The following COL23A1 variants were observed in gnomAD, a reference collection of about 807,000 sequenced individuals.
The protein encoded by COL23A1 is collagen type XXIII alpha 1 chain, also known as collagen alpha-1(XXIII) chain.
A neutral mutation model predicts 99.3 loss-of-function variants in COL23A1; 97 were observed. The observed-to-expected ratio is 0.98, with a 90% CI of 0.83 to 1.16. COL23A1 has a LOEUF of 1.16. Ranked by LOEUF, COL23A1 falls within the 50% of genes most tolerant of loss-of-function variation. The pLI is 0.00. For synonymous variants in COL23A1, 320 were observed against 308.2 expected (o/e 1.04, Z -0.40); for missense variants, 762 against 757.4 (o/e 1.01, Z -0.07).
intron 2 of COL23A1, among the ~76,000 whole-genome samples, chr5:178,466,317 T>C (rs940838084): frequency 1.3e-4 from 20 of 152,140 alleles, no homozygotes; most frequent in Admixed American, 1.3e-4. Flanking sequence ...GTAGTAGCAA[T>C]GGTAGTTGTC....
At chr5:178,354,520 A>C (rs1761513139) in intron 2 of COL23A1, among the ~76,000 whole-genome samples, 1 of 152,054 alleles carries the variant, frequency 6.6e-6, no homozygotes. Context: ...GGGTGGTTTT[A>C]ATGGTTTAAC....
At chr5:178,547,926 T>C (rs1233836339) in intron 2 of COL23A1, among the ~76,000 whole-genome samples, 1 of 3,680 alleles carries the variant, frequency 2.7e-4, no homozygotes, top group Non-Finnish European at 5.6e-4. Context: ...CACGCACACT[T>C]ACACCCACAC....
chr5:178,422,961 T>G (rs1263830682), intron 2 of COL23A1, among the ~76,000 whole-genome samples: 1 of 151,982 alleles, frequency 6.6e-6, no homozygotes, highest in East Asian at 1.9e-4. Flanking sequence ...ATTTTGAAGT[T>G]TATTTATTTA....
intron 1 of COL23A1, among the ~76,000 whole-genome samples, chr5:178,584,579 A>G (rs1404242400): frequency 6.6e-6 from 1 of 152,154 alleles, no homozygotes; most frequent in Non-Finnish European, 1.5e-5. Flanking sequence ...ATCCAAAGGC[A>G]TCTAGAAAGG....
chr5:178,490,580 T>A (rs1468327532), intron 2 of COL23A1, among the ~76,000 whole-genome samples: 3 of 151,674 alleles, frequency 2.0e-5, no homozygotes, highest in Non-Finnish European at 4.4e-5. Context: ...CACATAAAAG[T>A]GGTTTAAACT....
At chr5:178,278,327 G>T (rs1375936406) in intron 5 of COL23A1, among the ~76,000 whole-genome samples, 1 of 152,076 alleles carries the variant, frequency 6.6e-6, no homozygotes, top group East Asian at 1.9e-4. Context: ...CTGTGGGGTG[G>T]GCCCTCCTTG....
rs1251379971 is a variant in COL23A1, at chr5:178,482,901, CA to C, written c.361+77780del. On this transcript the variant is annotated intron_variant, in intron 2 of 28. Coordinates refer to ENST00000390654, the MANE Select transcript of COL23A1 (RefSeq NM_173465.4). ...TGGGCAACAGAGAGAGACTCCATCT[CA>C]AAAAAAAAAGAAAAAAGAAAAGACT... 8.3e-5 allele frequency among the ~76,000 whole-genome samples: 12 copies of C among 143,908 alleles called. No individual in the cohort carries two copies. In the South Asian group the frequency reaches 8.8e-4, roughly 11 times the overall value. The allele number at this position is 143,908 out of a possible 152,430, so 94.4% of individuals were successfully genotyped here.
chr5:178,572,930 C>T lies in COL23A1; in HGVS notation c.295-12182G>A, dbSNP rs141065329. Among the ~76,000 whole-genome samples the T allele has an allele frequency of 7.3e-3, 1,113 of 152,322 alleles. 1 individual carries two copies. The highest frequency in any genetic ancestry group is 0.012 in the Non-Finnish European group (807 of 68,032). On this transcript the variant is annotated intron_variant, in intron 1 of 28. Coordinates refer to ENST00000390654, the MANE Select transcript of COL23A1 (RefSeq NM_173465.4). ...ATACTAAAGTATCTCTCAATAACTA[C>T]ACTGAGTGAAAGAAACCAGACGAAC... is the stretch of plus-strand genomic sequence containing the variant.
chr5:178,245,043 C>CATCT (rs1326083730), intron 25 of COL23A1, among the ~76,000 whole-genome samples: 1 of 146,734 alleles, frequency 6.8e-6, no homozygotes, highest in African/African-American at 2.6e-5. Flanking sequence ...ATCCACTCAT[C>CATCT]ATCTATCATC....
chr5:178,493,113 T>A (rs779062850), intron 2 of COL23A1, among the ~76,000 whole-genome samples: 1 of 152,190 alleles, frequency 6.6e-6, no homozygotes, highest in Non-Finnish European at 1.5e-5. Context: ...TTCTCCAGCA[T>A]CAGGCACTGA....
chr5:178,389,475 A>G (rs938168870), intron 2 of COL23A1, among the ~76,000 whole-genome samples: 4 of 152,234 alleles, frequency 2.6e-5, no homozygotes, highest in African/African-American at 9.6e-5. Flanking sequence ...ATGGCGAGAC[A>G]TTCACACAGG....
intron 2 of COL23A1, among the ~76,000 whole-genome samples, chr5:178,398,981 G>A (rs1054501890): frequency 3.3e-5 from 5 of 152,234 alleles, no homozygotes; most frequent in Non-Finnish European, 5.9e-5. Context: ...GCGTCACTCC[G>A]GGATGACTGC....
intron 2 of COL23A1, among the ~76,000 whole-genome samples, chr5:178,518,474 C>G (rs1389049080): frequency 2.1e-5 from 3 of 145,810 alleles, no homozygotes; most frequent in South Asian, 2.2e-4. Context: ...TAGGGGCGGC[C>G]GGGCAGAGGC....
chr5:178,265,793 T>C (rs527730785), intron 8 of COL23A1: 16 of 822,156 alleles, frequency 1.9e-5, no homozygotes, highest in Non-Finnish European at 2.4e-5. Context: ...CAAGGCTTTT[T>C]GAAACCTGGA....
rs200458456 is a variant in COL23A1 at position 178,409,019 on chromosome 5, CACAT to C, written c.362-102104_362-102101del. On this transcript the variant is annotated intron_variant, in intron 2 of 28. Transcript: ENST00000390654. ...ACACACACACACACACACACACACA[CACAT>C]CATGTGGCTGAACAATTGCACTCCT... is the stretch of plus-strand genomic sequence containing the variant. 4.0e-3 allele frequency among the ~76,000 whole-genome samples: 491 copies of C among 122,812 alleles called. 4 individuals carry two copies. The highest frequency in any genetic ancestry group is 7.2e-3 in the South Asian group (28 of 3,904). The allele number at this position is 122,812 out of a possible 152,430, so 80.6% of individuals were successfully genotyped here.
intron 2 of COL23A1, among the ~76,000 whole-genome samples, chr5:178,404,559 TTA>T (rs1491281092): frequency 1.9e-4 from 29 of 152,296 alleles, no homozygotes; most frequent in African/African-American, 6.5e-4. Flanking sequence ...AGCTGATTCC[TTA>T]TGGTGAACCT....
intron 2 of COL23A1, among the ~76,000 whole-genome samples, chr5:178,380,947 C>T (rs1268676449): frequency 1.3e-5 from 2 of 152,196 alleles, no homozygotes; most frequent in African/African-American, 2.4e-5. Flanking sequence ...ATGTGTGGGC[C>T]CACCCAGCCG....
At chr5:178,367,947 C>T (rs1762579684) in intron 2 of COL23A1, among the ~76,000 whole-genome samples, 1 of 152,182 alleles carries the variant, frequency 6.6e-6, no homozygotes, top group Non-Finnish European at 1.5e-5. Context: ...GGTGGCAGGA[C>T]CTGGGAGGCA....
Position 178,571,599 on chromosome 5 carries a change from A to C in COL23A1, c.295-10851T>G, listed in dbSNP as rs992054588. The stretch of plus-strand genomic sequence containing the variant: ...GGTAAAAGTCATCATGTCTGGCAGA[A>C]GAATAAGAAGTTACCAGCAGGAAAA... On this transcript the variant is annotated intron_variant, in intron 1 of 28. Coordinates refer to ENST00000390654, the MANE Select transcript of COL23A1 (RefSeq NM_173465.4). Among the ~76,000 whole-genome samples the C allele has an allele frequency of 8.5e-5, 11 of 129,120 alleles. No individual in the cohort carries two copies. In the East Asian group the frequency reaches 2.0e-3, roughly 23 times the overall value. The allele number at this position is 129,120 out of a possible 152,430, so 84.7% of individuals were successfully genotyped here.
Sources: gnomAD v4.1 joint callset for allele counts (sites outside exome capture counted in the v4.1 genomes callset) on GRCh38, gnomAD v4.1.1 for gene constraint, MANE v1.5 for transcripts, NCBI Gene and HGNC (gene_info 2026-07-23, HGNC 2026-07-21) for gene names.